The following IL26 variants were observed in gnomAD, a reference collection of about 807,000 sequenced individuals.
IL26 encodes the protein interleukin-26.
A neutral mutation model predicts 21.7 loss-of-function variants in IL26; 23 were observed. The ratio of observed to expected loss-of-function variants is 1.06; its 90% CI spans 0.76 to 1.50. The LOEUF is 1.50. Among genes scored for constraint, IL26 ranks in the 40% most tolerant of loss-of-function variants. The pLI is 0.00. For synonymous variants in IL26, 63 were observed against 67.8 expected, an observed-to-expected ratio of 0.93 and a Z score of 0.34; for missense variants, 204 against 196.0, an observed-to-expected ratio of 1.04 and a Z score of -0.24.
At chr12:68,220,326 A>T in intron 3 of IL26, among the ~76,000 whole-genome samples, 1 of 152,178 alleles carries the variant, frequency 6.6e-6, no homozygotes, top group East Asian at 1.9e-4. Flanking sequence ...AAATCTAGTG[A>T]TGTATGAAAG....
Position 68,225,717 on chromosome 12 carries a change from C to T in IL26, c.40G>A (p.Val14Ile), listed in dbSNP as rs1256492323. 6.2e-7 allele frequency: 1 copy of T among 1,614,052 alleles called. No homozygotes were observed. The highest frequency in any genetic ancestry group is 8.5e-7 in the Non-Finnish European group (1 of 1,179,944). The change falls in exon 1 of 5, where the codon GTC becomes ATC. Residue 14 changes from valine (V) to isoleucine (I), a missense_variant. Transcript: ENST00000229134. ...NFILRCGLLL[V>I]TLSLAIAKHK... ...TTGGCAATGGCAAGAGACAGAGTGA[C>T]TAACAGCAACCCACACCTCAAAATG...
intron 3 of IL26, among the ~76,000 whole-genome samples, chr12:68,222,686 C>T (rs11570920): frequency 0.18 from 28,015 of 151,976 alleles, 3,427 homozygotes; most frequent in East Asian, 0.56. Context: ...AACGGAAGGC[C>T]CCCTCTCACA....
chr12:68,210,971 T>G (rs1868713049), intron 3 of IL26, among the ~76,000 whole-genome samples: 1 of 152,218 alleles, frequency 6.6e-6, no homozygotes. Context: ...GATGTAAATA[T>G]TTTCAGGGTA....
intron 3 of IL26, among the ~76,000 whole-genome samples, chr12:68,224,111 A>G (rs1869154372): frequency 1.3e-5 from 2 of 151,234 alleles, no homozygotes; most frequent in African/African-American, 4.9e-5. Flanking sequence ...CTCCTTTCCA[A>G]CTGGCTTCCC....
chr12:68,223,803 T>TG (rs796591856), intron 3 of IL26, among the ~76,000 whole-genome samples: 2 of 147,848 alleles, frequency 1.4e-5, no homozygotes, highest in Non-Finnish European at 3.0e-5. Flanking sequence ...TGAGAGTTTA[T>TG]AAAAAAACAT....
At chr12:68,212,077 G>A (rs1449338520) in intron 3 of IL26, among the ~76,000 whole-genome samples, 2 of 152,026 alleles carry the variant, frequency 1.3e-5, no homozygotes, top group Non-Finnish European at 2.9e-5. Flanking sequence ...TAGGAGTTTA[G>A]TTTCATTTTT....
intron 3 of IL26, among the ~76,000 whole-genome samples, chr12:68,208,593 C>A (rs1868613115): frequency 6.6e-6 from 1 of 152,118 alleles, no homozygotes; most frequent in African/African-American, 2.4e-5. Context: ...ACCTCCGTAT[C>A]CTGGGTTCAA....
At chr12:68,215,274 G>A (rs989091614) in intron 3 of IL26, among the ~76,000 whole-genome samples, 4 of 152,190 alleles carry the variant, frequency 2.6e-5, no homozygotes, top group African/African-American at 9.7e-5. Flanking sequence ...ACGTTTTCCA[G>A]TGTAGTAATT....
At chr12:68,203,885 C>T (rs1868455965) in intron 3 of IL26, among the ~76,000 whole-genome samples, 1 of 152,110 alleles carries the variant, frequency 6.6e-6, no homozygotes, top group African/African-American at 2.4e-5. Flanking sequence ...GTACAGTTTG[C>T]AGGATTCATG....
chr12:68,214,319 T>C (rs536242554), intron 3 of IL26, among the ~76,000 whole-genome samples: 281 of 152,318 alleles, frequency 1.8e-3, no homozygotes, highest in African/African-American at 6.5e-3. Context: ...AAAGAATGTG[T>C]ATTCTGTAGC....
At chr12:68,214,220 T>C (rs929714133) in intron 3 of IL26, among the ~76,000 whole-genome samples, 2 of 152,164 alleles carry the variant, frequency 1.3e-5, no homozygotes, top group African/African-American at 4.8e-5. Flanking sequence ...GAAAAGATAC[T>C]TGACATAATT....
chr12:68,214,350 G>C (rs1317650135), intron 3 of IL26, among the ~76,000 whole-genome samples: 2 of 152,146 alleles, frequency 1.3e-5, no homozygotes, highest in African/African-American at 4.8e-5. Flanking sequence ...ATTATTCTGT[G>C]AATGTCACAT....
intron 3 of IL26, among the ~76,000 whole-genome samples, chr12:68,216,866 G>A (rs572602123): frequency 4.6e-5 from 7 of 152,248 alleles, no homozygotes; most frequent in Non-Finnish European, 7.4e-5. Context: ...TAAAGTAGAC[G>A]ATGAAATCTT....
chr12:68,222,643 T>C (rs1455608166), intron 3 of IL26, among the ~76,000 whole-genome samples: 1 of 152,206 alleles, frequency 6.6e-6, no homozygotes, highest in Non-Finnish European at 1.5e-5. Flanking sequence ...GTCAAGGTTC[T>C]GCGGAAAGCT....
intron 3 of IL26, among the ~76,000 whole-genome samples, chr12:68,210,068 C>G (rs1868664853): frequency 6.6e-6 from 1 of 151,510 alleles, no homozygotes; most frequent in Non-Finnish European, 1.5e-5. Flanking sequence ...CTACTGTGAC[C>G]ACAGCCTTGG....
At chr12:68,202,868 G>T (rs561693489) in intron 3 of IL26, among the ~76,000 whole-genome samples, 1 of 152,280 alleles carries the variant, frequency 6.6e-6, no homozygotes, top group South Asian at 2.1e-4. Context: ...AGTAATTCAG[G>T]CAGAGGAAAA....
At chr12:68,207,957 C>T (rs1407862598) in intron 3 of IL26, among the ~76,000 whole-genome samples, 1 of 152,076 alleles carries the variant, frequency 6.6e-6, no homozygotes, top group East Asian at 1.9e-4. Flanking sequence ...GCAAGTTTGT[C>T]AAATTGTTAC....
At chr12:68,206,460 G>A (rs1367014367) in intron 3 of IL26, among the ~76,000 whole-genome samples, 2 of 152,128 alleles carry the variant, frequency 1.3e-5, no homozygotes, top group Non-Finnish European at 2.9e-5. Flanking sequence ...ACGTTAAAAG[G>A]CAGTTGCTTA....
chr12:68,214,615 G>C (rs1357942836), intron 3 of IL26, among the ~76,000 whole-genome samples: 1 of 151,980 alleles, frequency 6.6e-6, no homozygotes, highest in Non-Finnish European at 1.5e-5. Flanking sequence ...TACGGACTTT[G>C]GCTTGTAGTC....
Sources: gnomAD v4.1 joint callset for allele counts (sites outside exome capture counted in the v4.1 genomes callset) on GRCh38, gnomAD v4.1.1 for gene constraint, MANE v1.5 for transcripts, NCBI Gene and HGNC (gene_info 2026-07-23, HGNC 2026-07-21) for gene names.